Variants in PTPRG observed in about 807,000 individuals in gnomAD.
PTPRG encodes the protein receptor-type tyrosine-protein phosphatase gamma.
In PTPRG, 102 loss-of-function variants were observed where a neutral mutation model predicts 165.3. The observed-to-expected ratio is 0.62, with a 90% CI of 0.53 to 0.73. The LOEUF (loss-of-function observed/expected upper bound fraction) is 0.73. PTPRG is among the 30% of genes least tolerant of loss of function. The probability of loss-of-function intolerance (pLI) is 0.00; values close to 1 mark genes in which losing one functional copy is unlikely to be tolerated. For missense variants in PTPRG, 1,866 were observed against 1,861.4 expected, an observed-to-expected ratio of 1.00 and a Z score of -0.05; for synonymous variants, 675 against 669.5, an observed-to-expected ratio of 1.01 and a Z score of -0.13.
intron 5 of PTPRG, among the ~76,000 whole-genome samples, chr3:62,132,125 A>G (rs900705803): frequency 1.3e-5 from 2 of 152,166 alleles, no homozygotes; most frequent in African/African-American, 4.8e-5. Context: ...CTTTTAGAAT[A>G]TGTGCTTTTT....
chr3:61,950,042 G>A (rs1201798993), intron 2 of PTPRG, among the ~76,000 whole-genome samples: 2 of 152,152 alleles, frequency 1.3e-5, no homozygotes, highest in South Asian at 2.1e-4. Flanking sequence ...CACTGAGCCC[G>A]GCCAAGCCTT....
At chr3:61,582,318 A>G (rs1700316946) in intron 1 of PTPRG, among the ~76,000 whole-genome samples, 1 of 152,166 alleles carries the variant, frequency 6.6e-6, no homozygotes, top group Non-Finnish European at 1.5e-5. Context: ...TGCTGAGTAT[A>G]TCATATATTC....
chr3:61,801,712 T>C (rs896494073), intron 2 of PTPRG, among the ~76,000 whole-genome samples: 2 of 152,164 alleles, frequency 1.3e-5, no homozygotes, highest in African/African-American at 2.4e-5. Context: ...GTTAGCATTA[T>C]CCTAATTCTG....
At chr3:61,633,724 T>C (rs895037316) in intron 1 of PTPRG, among the ~76,000 whole-genome samples, 1 of 151,544 alleles carries the variant, frequency 6.6e-6, no homozygotes, top group South Asian at 2.1e-4. Flanking sequence ...AGTGTAGAAG[T>C]GAGGTGGCCT....
intron 2 of PTPRG, among the ~76,000 whole-genome samples, chr3:61,755,368 T>A (rs1486374167): frequency 6.6e-6 from 1 of 152,078 alleles, no homozygotes; most frequent in African/African-American, 2.4e-5. Context: ...GCCTTGAGAG[T>A]CTTCCTCCAT....
In PTPRG at chr3:62,191,754, T is replaced by C. The variant is rs1229837618; in HGVS notation, c.1218+101T>C. 3.3e-5 allele frequency: 40 copies of C among 1,198,604 alleles called. No homozygotes were observed. In the East Asian group the frequency reaches 9.2e-4, roughly 28 times the overall value. The allele number at this position is 1,198,604 out of a possible 1,614,324, so 74.2% of individuals were successfully genotyped here. A position where few individuals can be genotyped will look rare whatever the true frequency, so the allele number is the denominator to read the frequency against. The stretch of plus-strand genomic sequence containing the variant: ...CACAGTGTGCCAGCTCTGTGTCATC[T>C]GTCCTCACACTGTCTGGTGAACATG... On this transcript the variant is annotated intron_variant, in intron 9 of 29. Transcript: ENST00000474889.
chr3:62,031,369 C>T (rs1176320623), intron 4 of PTPRG, among the ~76,000 whole-genome samples: 2 of 151,924 alleles, frequency 1.3e-5, no homozygotes, highest in East Asian at 3.9e-4. Context: ...AATGTGTGTC[C>T]AGGGAAAACT....
intron 13 of PTPRG, among the ~76,000 whole-genome samples, chr3:62,220,170 A>G (rs1385358875): frequency 6.6e-6 from 1 of 152,240 alleles, no homozygotes; most frequent in Non-Finnish European, 1.5e-5. Context: ...AGACAGGGGT[A>G]AGGTGGCAGA....
chr3:61,715,982 A>T (rs1197690822), intron 1 of PTPRG, among the ~76,000 whole-genome samples: 2 of 152,072 alleles, frequency 1.3e-5, no homozygotes, highest in African/African-American at 4.8e-5. Context: ...TCTCCTAGAC[A>T]TAAGAGGAGC....
chr3:62,204,061 G>A lies in PTPRG; in HGVS notation c.2155+111G>A, dbSNP rs1226889674. On this transcript the variant is annotated intron_variant, in intron 12 of 29. Transcript: ENST00000474889. ...CTTCAGAAGGTACTTAATATTCTTAGAATCATATATGTCTGTCATAGAAAA... is the reference window on the plus strand; with the variant it reads ...CTTCAGAAGGTACTTAATATTCTTAAAATCATATATGTCTGTCATAGAAAA... The A allele has an allele frequency of 2.1e-6, 3 of 1,439,860 alleles. No individual in the cohort carries two copies. In the African/African-American group the frequency reaches 4.3e-5, roughly 20 times the overall value. 89.2% of individuals were successfully genotyped at this position (1,439,860 alleles called of 1,614,324 possible).
chr3:61,759,830 G>C (rs951898327), intron 2 of PTPRG, among the ~76,000 whole-genome samples: 3 of 151,590 alleles, frequency 2.0e-5, no homozygotes, highest in African/African-American at 7.3e-5. Flanking sequence ...GAGAAAGTGA[G>C]TTTTGTACTA....
intron 4 of PTPRG, among the ~76,000 whole-genome samples, chr3:62,012,537 A>G (rs2041449817): frequency 1.3e-5 from 2 of 152,182 alleles, no homozygotes; most frequent in Non-Finnish European, 2.9e-5. Context: ...ATTCAAGTCT[A>G]AACACAGAAT....
At chr3:62,096,004 A>G (rs1702096378) in intron 5 of PTPRG, among the ~76,000 whole-genome samples, 1 of 152,168 alleles carries the variant, frequency 6.6e-6, no homozygotes, top group Non-Finnish European at 1.5e-5. Flanking sequence ...TGGGGAGCCA[A>G]TGAAAAACTG....
At chr3:62,260,918 A>G (rs1356458435) in intron 16 of PTPRG, 1 of 152,192 alleles carries the variant, frequency 6.6e-6, no homozygotes, top group Non-Finnish European at 1.5e-5. Context: ...TCATTCATCT[A>G]ATTGGAAAAG....
intron 4 of PTPRG, among the ~76,000 whole-genome samples, chr3:62,044,279 C>G (rs1031901231): frequency 6.6e-6 from 1 of 152,218 alleles, no homozygotes; most frequent in African/African-American, 2.4e-5. Flanking sequence ...TGGCTCACGC[C>G]TGTAATCCCA....
intron 2 of PTPRG, among the ~76,000 whole-genome samples, chr3:61,880,622 CAAA>C (rs35846878): frequency 1.0e-4 from 8 of 80,232 alleles, no homozygotes; most frequent in South Asian, 8.7e-4. Flanking sequence ...AACCCTGTCT[CAAA>C]AAAAAAAAAA....
At chr3:61,786,603 A>G (rs1474991668) in intron 2 of PTPRG, among the ~76,000 whole-genome samples, 3 of 152,216 alleles carry the variant, frequency 2.0e-5, no homozygotes, top group African/African-American at 2.4e-5. Context: ...CAGACTGGGT[A>G]TGTATCATTG....
At chr3:61,638,664 C>G (rs1248151464) in intron 1 of PTPRG, among the ~76,000 whole-genome samples, 1 of 128,348 alleles carries the variant, frequency 7.8e-6, no homozygotes, top group Non-Finnish European at 1.6e-5. Context: ...TCTTGAACTC[C>G]TAGCCTCAAG....
chr3:62,270,657 A>G (rs889146377), intron 20 of PTPRG, among the ~76,000 whole-genome samples: 2 of 152,206 alleles, frequency 1.3e-5, no homozygotes, highest in East Asian at 3.8e-4. Context: ...CCTTTGTACA[A>G]TAGCACAGGA....
Sources: allele counts gnomAD v4.1 joint callset (sites outside exome capture counted in the v4.1 genomes callset), GRCh38; gene constraint gnomAD v4.1.1; transcripts MANE v1.5; gene names NCBI Gene and HGNC (gene_info 2026-07-23, HGNC 2026-07-21).